XKR9: variants seen among roughly 807,000 people sequenced by gnomAD.
XKR9 encodes XK related 9.
Under a neutral mutation model 32.0 loss-of-function variants are expected in XKR9, and 32 were observed. The ratio of observed to expected loss-of-function variants is 1.00; its 90% CI spans 0.76 to 1.34. The LOEUF (loss-of-function observed/expected upper bound fraction) is 1.34. Ranked by LOEUF, XKR9 falls within the 40% of genes most tolerant of loss-of-function variation. The probability of loss-of-function intolerance (pLI) is 0.00; values close to 1 mark genes in which losing one functional copy is unlikely to be tolerated. For synonymous variants in XKR9, 168 were observed against 143.4 expected, an observed-to-expected ratio of 1.17 and a Z score of -1.22; for missense variants, 546 against 429.7, an observed-to-expected ratio of 1.27 and a Z score of -2.39.
chr8:70,833,969 T>G, the XKR9 span, among the ~76,000 whole-genome samples: 1 of 152,146 alleles, frequency 6.6e-6, no homozygotes, highest in African/African-American at 2.4e-5. Context: ...AATTCAGATA[T>G]ACAAAAATAC....
At chr8:70,791,147 T>C (rs1359266346), downstream of XKR9, among the ~76,000 whole-genome samples, 4 of 152,060 alleles carry the variant, frequency 2.6e-5, no homozygotes, top group Non-Finnish European at 5.9e-5. Context: ...GATTCTGTAA[T>C]CTATTCCATG....
the XKR9 span, among the ~76,000 whole-genome samples, chr8:71,055,731 T>C: frequency 2.6e-5 from 4 of 152,206 alleles, no homozygotes; most frequent in Admixed American, 2.6e-4. Flanking sequence ...AATAGATTCT[T>C]TCCTTGCTGT....
the XKR9 span, among the ~76,000 whole-genome samples, chr8:70,943,375 T>A: frequency 2.6e-5 from 4 of 152,126 alleles, no homozygotes; most frequent in Non-Finnish European, 4.4e-5. Context: ...TAAAACAAAA[T>A]GTTAAGGAAG....
chr8:70,919,725 C>CACCT, the XKR9 span, among the ~76,000 whole-genome samples: 1 of 152,158 alleles, frequency 6.6e-6, no homozygotes, highest in Non-Finnish European at 1.5e-5. Context: ...CTCCCTGGGC[C>CACCT]ACCTGCCTGC....
chr8:70,791,837 T>C (rs990489842), downstream of XKR9, among the ~76,000 whole-genome samples: 4 of 152,070 alleles, frequency 2.6e-5, no homozygotes, highest in African/African-American at 9.7e-5. Flanking sequence ...CAACAATACC[T>C]AAAATTTATT....
At chr8:71,061,905 G>A in the XKR9 span, among the ~76,000 whole-genome samples, 5 of 152,194 alleles carry the variant, frequency 3.3e-5, no homozygotes, top group Non-Finnish European at 5.9e-5. Flanking sequence ...TATAGTCATC[G>A]CTCTGTGACA....
At chr8:70,790,734 T>C (rs917552626), downstream of XKR9, among the ~76,000 whole-genome samples, 1 of 152,136 alleles carries the variant, frequency 6.6e-6, no homozygotes, top group Non-Finnish European at 1.5e-5. Flanking sequence ...TTTTGTTTTT[T>C]CCTGTAAGGC....
At chr8:71,018,200 A>G in the XKR9 span, among the ~76,000 whole-genome samples, 1 of 152,186 alleles carries the variant, frequency 6.6e-6, no homozygotes, top group African/African-American at 2.4e-5. Context: ...ACTTTTATAA[A>G]GTGAAAAGCA....
In XKR9 at chr8:70,681,247, C is replaced by A; in HGVS notation, c.189C>A (p.Phe63Leu). 6.2e-7 allele frequency: 1 copy of A among 1,613,460 alleles called. No homozygotes were observed. Among genetic ancestry groups the A allele is most frequent in the Non-Finnish European group, 8.5e-7 (1 of 1,179,596 alleles). Residue 63 changes from phenylalanine (F) to leucine (L), a missense_variant, in exon 3 of 5, where the codon TTC becomes TTA. Physicochemically the swap from Phe to Leu is conservative, Grantham distance 22. Coordinates refer to ENST00000408926, the MANE Select transcript of XKR9 (RefSeq NM_001011720.2). ...CTCAGTGTTTTAGTTATTCTTGGTT[C>A]AAGGCTGATTTAAAGAAAGCAGGCC... is the stretch of plus-strand genomic sequence containing the variant. ...LVAQCFSYSW[F>L]KADLKKAGQE...
chr8:70,906,955 A>G, the XKR9 span, among the ~76,000 whole-genome samples: 6 of 152,170 alleles, frequency 3.9e-5, no homozygotes, highest in African/African-American at 4.8e-5. Flanking sequence ...CATAGTTTGT[A>G]TAACTACCAC....
the XKR9 span, among the ~76,000 whole-genome samples, chr8:70,940,435 G>A: frequency 2.0e-5 from 3 of 152,052 alleles, no homozygotes; most frequent in African/African-American, 7.2e-5. Context: ...CCACTTGCAA[G>A]CTGTGCAATA....
At chr8:71,063,694 CA>C in the XKR9 span, among the ~76,000 whole-genome samples, 10 of 151,590 alleles carry the variant, frequency 6.6e-5, no homozygotes, top group South Asian at 1.0e-3. Flanking sequence ...GTGCTTTCCA[CA>C]AAAAAAAATC....
the XKR9 span, among the ~76,000 whole-genome samples, chr8:70,813,896 G>A: frequency 6.6e-6 from 1 of 152,046 alleles, no homozygotes; most frequent in Non-Finnish European, 1.5e-5. Context: ...GATTCCTCAG[G>A]GATCTAGAAC....
the XKR9 span, among the ~76,000 whole-genome samples, chr8:71,025,637 G>A: frequency 6.6e-6 from 1 of 152,196 alleles, no homozygotes. Flanking sequence ...AAGGCTCCCT[G>A]ATGGAGAAAA....
chr8:70,985,520 T>C, the XKR9 span, among the ~76,000 whole-genome samples: 1 of 152,216 alleles, frequency 6.6e-6, no homozygotes, highest in African/African-American at 2.4e-5. Context: ...TAAGTTTTTA[T>C]TATCATAAAC....
chr8:70,967,385 T>A, the XKR9 span, among the ~76,000 whole-genome samples: 1 of 152,274 alleles, frequency 6.6e-6, no homozygotes, highest in Admixed American at 6.5e-5. Flanking sequence ...TGACTCTTTA[T>A]CCATCTTGCC....
chr8:71,033,727 G>A, the XKR9 span, among the ~76,000 whole-genome samples: 293 of 152,182 alleles, frequency 1.9e-3, 1 homozygote, highest in African/African-American at 6.5e-3. Context: ...ATCTCACCAC[G>A]TGATCTCTTT....
the XKR9 span, among the ~76,000 whole-genome samples, chr8:70,919,497 A>G: frequency 6.6e-6 from 1 of 152,216 alleles, no homozygotes; most frequent in Admixed American, 6.5e-5. Context: ...AATGAATGTC[A>G]GGCTTGGGTG....
At chr8:70,730,177 A>C (rs756427604) in intron 4 of XKR9, among the ~76,000 whole-genome samples, 26 of 152,140 alleles carry the variant, frequency 1.7e-4, no homozygotes, top group Non-Finnish European at 3.2e-4. Context: ...CCTGCCATTT[A>C]CCCAAAGGGG....
Sources: gnomAD v4.1 joint callset for allele counts (sites outside exome capture counted in the v4.1 genomes callset) on GRCh38, gnomAD v4.1.1 for gene constraint, MANE v1.5 for transcripts, NCBI Gene and HGNC (gene_info 2026-07-23, HGNC 2026-07-21) for gene names.